Variants in STXBP5L observed in about 807,000 individuals in gnomAD.
STXBP5L encodes the protein syntaxin-binding protein 5-like.
A neutral mutation model predicts 144.5 loss-of-function variants in STXBP5L; 65 were observed. The ratio of observed to expected loss-of-function variants is 0.45; its 90% CI spans 0.37 to 0.55. STXBP5L has a LOEUF of 0.55. Ranked by LOEUF, STXBP5L falls within the 20% of genes least tolerant of loss-of-function variation. The pLI is 0.00. For missense variants in STXBP5L, 1,298 were observed against 1,405.5 expected (o/e 0.92, Z 1.22); for synonymous variants, 505 against 469.6 (o/e 1.08, Z -0.97).
intron 3 of STXBP5L, among the ~76,000 whole-genome samples, chr3:120,962,648 G>A (rs1467401655): frequency 6.6e-6 from 1 of 152,070 alleles, no homozygotes; most frequent in African/African-American, 2.4e-5. Context: ...CTCTGTTTTG[G>A]TACCAGTACC....
intron 5 of STXBP5L, among the ~76,000 whole-genome samples, chr3:121,096,906 C>T (rs2043159119): frequency 6.6e-6 from 1 of 152,180 alleles, no homozygotes; most frequent in Non-Finnish European, 1.5e-5. Context: ...TCAGAGCTGT[C>T]AGGCAGGGAT....
chr3:120,927,901 T>G (rs753888949), intron 2 of STXBP5L, among the ~76,000 whole-genome samples: 17 of 152,194 alleles, frequency 1.1e-4, no homozygotes, highest in Non-Finnish European at 2.4e-4. Flanking sequence ...AGAAATAATT[T>G]TATTTATTGT....
At chr3:121,254,449 A>T (rs1282496437) in intron 15 of STXBP5L, among the ~76,000 whole-genome samples, 1 of 152,170 alleles carries the variant, frequency 6.6e-6, no homozygotes, top group Non-Finnish European at 1.5e-5. Flanking sequence ...ATTTGTTGAG[A>T]GTAGTAAACC....
At chr3:121,078,617 A>G (rs1372991104) in intron 5 of STXBP5L, among the ~76,000 whole-genome samples, 1 of 152,164 alleles carries the variant, frequency 6.6e-6, no homozygotes, top group Non-Finnish European at 1.5e-5. Context: ...GCCACACAGG[A>G]GCCCACGGAG....
rs574847660 is a variant in STXBP5L at position 121,227,101 on chromosome 3, T to A, written c.1111+3944T>A. 2.0e-5 allele frequency among the ~76,000 whole-genome samples: 3 copies of A among 152,304 alleles called. No individual in the cohort carries two copies. In the East Asian group the frequency reaches 5.8e-4, roughly 29 times the overall value. ...AATAAGAATATTCATTTATAGCTTCTGAATTTTAAGGAATCAAGTAGGGAG... is the reference window on the plus strand; with the variant it reads ...AATAAGAATATTCATTTATAGCTTCAGAATTTTAAGGAATCAAGTAGGGAG... On this transcript the variant is annotated intron_variant, in intron 11 of 26. Coordinates refer to ENST00000471454, the MANE Select transcript of STXBP5L (RefSeq NM_001308330.2).
intron 3 of STXBP5L, among the ~76,000 whole-genome samples, chr3:121,024,948 T>A (rs1225078148): frequency 6.6e-6 from 1 of 152,174 alleles, no homozygotes; most frequent in Non-Finnish European, 1.5e-5. Context: ...TAGAACAGTA[T>A]CATTCTAATA....
At chr3:121,093,229 T>G (rs1268640457) in intron 5 of STXBP5L, among the ~76,000 whole-genome samples, 1 of 152,204 alleles carries the variant, frequency 6.6e-6, no homozygotes, top group Non-Finnish European at 1.5e-5. Flanking sequence ...TGGTCTAAAA[T>G]TCTCTTTTTT....
rs192305098 is a variant in STXBP5L, at chr3:121,215,488, C to G, written c.957-7515C>G. ...GCTTAGTTTGGCTGGATATGAAATT[C>G]TGGTTTGAAAATTCTTTTCTTTAAT... On this transcript the variant is annotated intron_variant, in intron 10 of 26. Transcript: ENST00000471454. Among the ~76,000 whole-genome samples, 8 of 152,218 alleles carry G rather than the reference C, an allele frequency of 5.3e-5. No homozygotes were observed. In the East Asian group the frequency reaches 1.5e-3, roughly 29 times the overall value.
intron 3 of STXBP5L, among the ~76,000 whole-genome samples, chr3:121,007,027 C>G (rs561150455): frequency 6.6e-6 from 1 of 152,070 alleles, no homozygotes; most frequent in Non-Finnish European, 1.5e-5. Flanking sequence ...AATTATGTGT[C>G]TTGGAGTTGC....
chr3:121,343,350 C>A (rs146209478), intron 20 of STXBP5L, among the ~76,000 whole-genome samples: 14 of 152,128 alleles, frequency 9.2e-5, no homozygotes, highest in Non-Finnish European at 1.6e-4. Flanking sequence ...TACAGGGATG[C>A]CCTCTCTCAC....
chr3:121,147,957 G>C (rs987829497), intron 7 of STXBP5L, among the ~76,000 whole-genome samples: 1 of 151,936 alleles, frequency 6.6e-6, no homozygotes, highest in African/African-American at 2.4e-5. Flanking sequence ...CTATACCATT[G>C]GTTCTCCTGG....
At chr3:121,003,493 GCTC>G (rs1943969884) in intron 3 of STXBP5L, among the ~76,000 whole-genome samples, 3 of 152,098 alleles carry the variant, frequency 2.0e-5, no homozygotes, top group Non-Finnish European at 4.4e-5. Context: ...TTTCTCCCAT[GCTC>G]TAGGTTGCCT....
chr3:121,253,987 G>C (rs976747772), intron 15 of STXBP5L, among the ~76,000 whole-genome samples: 1 of 151,784 alleles, frequency 6.6e-6, no homozygotes, highest in Non-Finnish European at 1.5e-5. Flanking sequence ...AAAAATCCAG[G>C]ATTATTTTTG....
At chr3:120,957,589 T>C (rs971026415) in intron 3 of STXBP5L, among the ~76,000 whole-genome samples, 3 of 152,014 alleles carry the variant, frequency 2.0e-5, no homozygotes, top group Non-Finnish European at 2.9e-5. Context: ...TGCTTTTCAA[T>C]TTTTTTCTTA....
At chr3:121,399,017 G>A (rs879586621) in intron 22 of STXBP5L, among the ~76,000 whole-genome samples, 4 of 152,064 alleles carry the variant, frequency 2.6e-5, no homozygotes, top group African/African-American at 4.8e-5. Context: ...GGAGGGTCAG[G>A]CCACTCTTTT....
At chr3:121,397,786 T>A (rs2046768141) in intron 22 of STXBP5L, among the ~76,000 whole-genome samples, 1 of 152,216 alleles carries the variant, frequency 6.6e-6, no homozygotes, top group African/African-American at 2.4e-5. Flanking sequence ...GGTTGAATAG[T>A]CCCAGGTTGT....
chr3:120,987,096 C>T (rs1942361031), intron 3 of STXBP5L, among the ~76,000 whole-genome samples: 1 of 151,926 alleles, frequency 6.6e-6, no homozygotes, highest in Non-Finnish European at 1.5e-5. Flanking sequence ...TCAACAAACT[C>T]CAGGTAAGAT....
At chr3:121,217,031 C>G (rs181314656) in intron 10 of STXBP5L, among the ~76,000 whole-genome samples, 1 of 152,274 alleles carries the variant, frequency 6.6e-6, no homozygotes, top group Admixed American at 6.5e-5. Flanking sequence ...CGCCCCTCCC[C>G]CAACCAAGCT....
intron 19 of STXBP5L, 144 bp downstream of exon 19, chr3:121,280,100 T>A: frequency 9.7e-7 from 1 of 1,029,606 alleles, no homozygotes; most frequent in Non-Finnish European, 1.4e-6. Context: ...GTAAGTAAAA[T>A]AAATTGGGCA....
Sources: allele counts gnomAD v4.1 joint callset (sites outside exome capture counted in the v4.1 genomes callset), GRCh38; gene constraint gnomAD v4.1.1; transcripts MANE v1.5; gene names NCBI Gene and HGNC (gene_info 2026-07-23, HGNC 2026-07-21).